Variants in C3orf20 observed in about 807,000 individuals in gnomAD.
The protein encoded by C3orf20 is family with sequence similarity 149 member C, also known as uncharacterized protein C3orf20.
C3orf20 carries 76 observed loss-of-function variants against 88.3 expected under a neutral mutation model. The ratio of observed to expected loss-of-function variants is 0.86; its 90% CI spans 0.72 to 1.04. The LOEUF (loss-of-function observed/expected upper bound fraction) is 1.04, where lower values mean the gene tolerates loss of function less well. Ranked by LOEUF, C3orf20 falls within the 50% of genes least tolerant of loss-of-function variation. The pLI, the probability that C3orf20 is intolerant of heterozygous loss-of-function variation, is 0.00. For synonymous variants in C3orf20, 436 were observed against 437.4 expected (o/e 1.00, Z 0.04); for missense variants, 1,056 against 1,123.3 (o/e 0.94, Z 0.86).
intron 15 of C3orf20, 95 bp downstream of exon 15, chr3:14,761,710 A>G: frequency 6.0e-6 from 4 of 671,914 alleles, no homozygotes; most frequent in South Asian, 3.4e-5. Context: ...TGAGGGGAGC[A>G]GGCGGGGCTG....
chr3:14,709,992 C>T (rs2033677030), intron 7 of C3orf20, among the ~76,000 whole-genome samples: 1 of 152,068 alleles, frequency 6.6e-6, no homozygotes, highest in Admixed American at 6.6e-5. Context: ...GCCATCTGGT[C>T]CTAGGCTTTT....
At chr3:14,725,427 G>A (rs1165578192) in intron 10 of C3orf20, among the ~76,000 whole-genome samples, 1 of 152,160 alleles carries the variant, frequency 6.6e-6, no homozygotes, top group African/African-American at 2.4e-5. Context: ...AGCTTTTACA[G>A]CCCTGAGGCC....
At chr3:14,771,678 G>A (rs1399839891) in intron 15 of C3orf20, among the ~76,000 whole-genome samples, 1 of 152,220 alleles carries the variant, frequency 6.6e-6, no homozygotes, top group Non-Finnish European at 1.5e-5. Context: ...CCGGGGTCTT[G>A]GGGTTTAGGA....
intron 10 of C3orf20, among the ~76,000 whole-genome samples, chr3:14,723,628 G>A (rs1202535453): frequency 6.6e-6 from 1 of 152,154 alleles, no homozygotes; most frequent in Non-Finnish European, 1.5e-5. Context: ...AGAAACACAG[G>A]TGCCTGTGAA....
Position 14,682,814 on chromosome 3 carries a change from A to T in C3orf20, c.101A>T (p.Asn34Ile). ...RISKLLMICQNAGISVPKGIR... is the reference protein window; with the variant it reads ...RISKLLMICQIAGISVPKGIR... ...TCCAAACTCCTCATGATCTGCCAGA[A>T]TGCAGGCATTTCTGTACCAAAAGGC... The change falls in exon 3 of 17, where the codon AAT (asparagine) becomes ATT (isoleucine). Residue 34 changes from asparagine (N) to isoleucine (I), a missense_variant. Physicochemically the swap from Asn to Ile is moderately radical, Grantham distance 149. Coordinates refer to ENST00000253697, the MANE Select transcript of C3orf20 (RefSeq NM_032137.5). The T allele has an allele frequency of 6.2e-7, 1 of 1,614,256 alleles. No individual in the cohort carries two copies.
At position 14,715,314 on chromosome 3, in the gene C3orf20, G is replaced by A. The variant is rs771686387; in HGVS notation, c.1339G>A (p.Glu447Lys). The change falls in exon 9 of 17, where the codon GAG becomes AAG. Residue 447 changes from glutamate to lysine, a missense_variant. Physicochemically the swap from Glu to Lys is moderately conservative, Grantham distance 56. Transcript: ENST00000253697. ...TTGCCCATATGTCTTAATCTTGGATGAGGAAGGTGGGACCACCAATGACCA... is the reference window on the plus strand; with the variant it reads ...TTGCCCATATGTCTTAATCTTGGATAAGGAAGGTGGGACCACCAATGACCA... ...TSCPYVLILD[E>K]EGGTTNDQQG... is the part of the protein sequence containing the mutation. 5 of 1,612,286 alleles carry A rather than the reference G, an allele frequency of 3.1e-6. No homozygotes were observed. Among genetic ancestry groups the A allele is most frequent in the African/African-American group, 2.7e-5 (2 of 74,902 alleles).
chr3:14,723,326 G>T (rs2034230983), intron 10 of C3orf20, among the ~76,000 whole-genome samples: 1 of 152,218 alleles, frequency 6.6e-6, no homozygotes, highest in South Asian at 2.1e-4. Flanking sequence ...GTTACTCCTG[G>T]AGGAAAGCAT....
intron 11 of C3orf20, among the ~76,000 whole-genome samples, 173 bp from the exon 12 acceptor site, chr3:14,728,266 T>G (rs1347244040): frequency 2.6e-5 from 4 of 152,090 alleles, no homozygotes; most frequent in Admixed American, 6.5e-5. Flanking sequence ...ATGAGTGCAC[T>G]GGGACAGGAG....
intron 5 of C3orf20, 60 bp downstream of exon 5, chr3:14,690,176 G>T (rs962969799): frequency 1.9e-6 from 3 of 1,609,478 alleles, no homozygotes; most frequent in Non-Finnish European, 2.5e-6. Flanking sequence ...TGGGGGATAG[G>T]TTTCCGTCTA....
At chr3:14,706,147 C>T (rs943745265) in intron 7 of C3orf20, among the ~76,000 whole-genome samples, 2 of 152,146 alleles carry the variant, frequency 1.3e-5, no homozygotes, top group African/African-American at 4.8e-5. Flanking sequence ...CCCCTTGCTT[C>T]CTTTGGCCTC....
At chr3:14,712,406 A>G (rs1441072527) in intron 7 of C3orf20, among the ~76,000 whole-genome samples, 1 of 152,158 alleles carries the variant, frequency 6.6e-6, no homozygotes, top group East Asian at 1.9e-4. Context: ...GTAAGATTAT[A>G]AATTTATGTT....
chr3:14,712,065 GC>G, intron 7 of C3orf20, among the ~76,000 whole-genome samples: 1 of 152,096 alleles, frequency 6.6e-6, no homozygotes, highest in Non-Finnish European at 1.5e-5. Context: ...GGAAATAGGG[GC>G]TCTGAAGATG....
At chr3:14,741,277 C>T (rs2034890774) in intron 12 of C3orf20, among the ~76,000 whole-genome samples, 1 of 152,114 alleles carries the variant, frequency 6.6e-6, no homozygotes, top group African/African-American at 2.4e-5. Context: ...TTATCAGAGT[C>T]TTCTACCTCG....
intron 5 of C3orf20, among the ~76,000 whole-genome samples, chr3:14,690,928 G>T (rs190135223): frequency 6.6e-6 from 1 of 152,186 alleles, no homozygotes; most frequent in Non-Finnish European, 1.5e-5. Flanking sequence ...GATTTCCTCC[G>T]TGCCCCAGCC....
chr3:14,682,754 A>T lies in C3orf20; in HGVS notation c.41A>T (p.Tyr14Phe). Residue 14 changes from tyrosine (Y) to phenylalanine (F), a missense_variant, in exon 3 of 17, where the codon TAC becomes TTC. Transcript: ENST00000253697. ...AGTAACCTAGAATTATATCAGCAAT[A>T]CACAGCCATGGCCCCCAAGCTACTG... ...IKSNLELYQQYTAMAPKLLAR... is the reference protein window; with the variant it reads ...IKSNLELYQQFTAMAPKLLAR... 6.2e-7 allele frequency: 1 copy of T among 1,613,962 alleles called. No individual in the cohort carries two copies. The highest frequency in any genetic ancestry group is 8.5e-7 in the Non-Finnish European group (1 of 1,179,928).
chr3:14,762,797 C>A (rs1450649045), intron 15 of C3orf20, among the ~76,000 whole-genome samples: 1 of 149,628 alleles, frequency 6.7e-6, no homozygotes, highest in Non-Finnish European at 1.5e-5. Context: ...CCACACAGGA[C>A]CCTCAGTTTT....
chr3:14,767,514 T>A (rs1412956885), intron 15 of C3orf20: 1 of 152,184 alleles, frequency 6.6e-6, no homozygotes, highest in Non-Finnish European at 1.5e-5. Context: ...TTCTGGACCA[T>A]TCTCAGAGGA....
At chr3:14,739,618 C>T (rs114815427) in intron 12 of C3orf20, among the ~76,000 whole-genome samples, 1,552 of 152,346 alleles carry the variant, frequency 0.01, 25 homozygotes, top group African/African-American at 0.036. Context: ...TAAAGCCAGA[C>T]ATTGACTTCT....
intron 15 of C3orf20, chr3:14,766,974 C>T (rs371737379): frequency 6.6e-6 from 1 of 152,406 alleles, no homozygotes; most frequent in East Asian, 1.9e-4. Flanking sequence ...CTCCGACTCA[C>T]TGTGGAAGAT....
Sources: allele counts gnomAD v4.1 joint callset (sites outside exome capture counted in the v4.1 genomes callset), GRCh38; gene constraint gnomAD v4.1.1; transcripts MANE v1.5; gene names NCBI Gene and HGNC (gene_info 2026-07-23, HGNC 2026-07-21).